CLPX: variants seen among roughly 807,000 people sequenced by gnomAD.
The protein encoded by CLPX is ATP-dependent clpX-like chaperone, mitochondrial.
Under a neutral mutation model 76.4 loss-of-function variants are expected in CLPX, and 34 were observed. The observed-to-expected ratio is 0.45, with a 90% CI of 0.34 to 0.59. CLPX has a LOEUF of 0.59. Ranked by LOEUF, CLPX falls within the 20% of genes least tolerant of loss-of-function variation. The pLI, the probability that CLPX is intolerant of heterozygous loss-of-function variation, is 0.01. For synonymous variants in CLPX, 248 were observed against 270.9 expected (o/e 0.92, Z 0.83); for missense variants, 613 against 757.0 (o/e 0.81, Z 2.23).
chr15:65,162,779 T>C, intron 5 of CLPX, 134 bp from the exon 6 acceptor site: 3 of 566,910 alleles, frequency 5.3e-6, no homozygotes, highest in Non-Finnish European at 9.3e-6. Flanking sequence ...TCATATATGC[T>C]ATATCTTTTC....
Position 65,156,947 on chromosome 15 carries a change from G to A in CLPX, c.1058-15C>T, listed in dbSNP as rs777751074. 6.4e-7 allele frequency: 1 copy of A among 1,551,672 alleles called. No individual in the cohort carries two copies. The highest frequency in any genetic ancestry group is 1.4e-5 in the African/African-American group (1 of 73,730). On this transcript the variant is annotated splice_polypyrimidine_tract_variant and intron_variant, in intron 8 of 13. Transcript: ENST00000300107. ...AAAGACAATTCCTATAATTTAAGGA[G>A]GATTCTATTTATAATACGAAAAAGA...
At chr15:65,169,624 G>A (rs1310176789) in intron 3 of CLPX, among the ~76,000 whole-genome samples, 2 of 152,230 alleles carry the variant, frequency 1.3e-5, no homozygotes, top group African/African-American at 2.4e-5. Flanking sequence ...GCTGAGGCAG[G>A]AGAACTGCTT....
At chr15:65,176,917 A>G (rs1366140380) in intron 3 of CLPX, among the ~76,000 whole-genome samples, 2 of 151,664 alleles carry the variant, frequency 1.3e-5, no homozygotes, top group Non-Finnish European at 2.9e-5. Flanking sequence ...TTAGGTCTAT[A>G]AAGGTTGAAA....
intron 3 of CLPX, among the ~76,000 whole-genome samples, chr15:65,171,656 C>T (rs2088009178): frequency 6.6e-6 from 1 of 152,122 alleles, no homozygotes; most frequent in Admixed American, 6.6e-5. Context: ...AATGATGAGG[C>T]ACTAGTTTAC....
chr15:65,158,927 C>T (rs746079021), intron 6 of CLPX, among the ~76,000 whole-genome samples, 176 bp from the exon 7 acceptor site: 9 of 152,150 alleles, frequency 5.9e-5, no homozygotes, highest in Non-Finnish European at 4.4e-5. Context: ...AAACATATAG[C>T]ACACAATGAT....
chr15:65,159,491 T>A (rs1341186845), intron 6 of CLPX, among the ~76,000 whole-genome samples: 1 of 152,098 alleles, frequency 6.6e-6, no homozygotes, highest in Non-Finnish European at 1.5e-5. Flanking sequence ...GCGCCTATAG[T>A]CCCAGCTACT....
rs1261483168 is a variant in CLPX, at chr15:65,148,966, G to A, written c.*1857C>T. 1 of 152,168 alleles carries A rather than the reference G, an allele frequency of 6.6e-6. No homozygotes were observed. Among genetic ancestry groups the A allele is most frequent in the Non-Finnish European group, 1.5e-5 (1 of 68,020 alleles). The allele number at this position is 152,168 out of a possible 1,614,324, so 9.4% of individuals were successfully genotyped here. A position where few individuals can be genotyped will look rare whatever the true frequency, so the allele number is the denominator to read the frequency against. On this transcript the variant is annotated 3_prime_UTR_variant, in exon 14 of 14. Coordinates refer to ENST00000300107, the MANE Select transcript of CLPX (RefSeq NM_006660.5). ...TATAATGAAGGTTAGTAACTTATAT[G>A]TTAGTGTGAACACATTTACTTTGGC...
Position 65,151,456 on chromosome 15 carries a change from GA to G in CLPX, c.1812-544del, listed in dbSNP as rs529752332. ...TTCCCTGACAAATTTATTACTGGGA[GA>G]AAAAAAAAAAAAAAAAAAAAAAAGG... On this transcript the variant is annotated intron_variant, in intron 13 of 13. Coordinates refer to ENST00000300107, the MANE Select transcript of CLPX (RefSeq NM_006660.5). 5.1e-3 allele frequency among the ~76,000 whole-genome samples: 379 copies of G among 74,576 alleles called. 1 individual carries two copies. Among genetic ancestry groups the G allele is most frequent in the African/African-American group, 0.017 (283 of 16,860 alleles). 48.9% of individuals were successfully genotyped at this position (74,576 alleles called of 152,430 possible). A position where few individuals can be genotyped will look rare whatever the true frequency, so the allele number is the denominator to read the frequency against.
intron 3 of CLPX, among the ~76,000 whole-genome samples, chr15:65,169,352 T>C (rs529509829): frequency 2.3e-4 from 35 of 152,252 alleles, no homozygotes; most frequent in African/African-American, 8.2e-4. Flanking sequence ...CCTCCCACCT[T>C]GGCCTCCGAA....
intron 9 of CLPX, 99 bp downstream of exon 9, chr15:65,156,745 A>G: frequency 1.4e-6 from 1 of 713,298 alleles, no homozygotes; most frequent in East Asian, 2.7e-5. Flanking sequence ...AAGAAATAAA[A>G]CAGAATCTAA....
In CLPX at chr15:65,185,198, G is replaced by A. The variant is rs987037456; in HGVS notation, c.-45C>T. 6.7e-7 allele frequency: 1 copy of A among 1,488,916 alleles called. No homozygotes were observed. The highest frequency in any genetic ancestry group is 9.1e-7 in the Non-Finnish European group (1 of 1,093,312). 92.2% of individuals were successfully genotyped at this position (1,488,916 alleles called of 1,614,324 possible). ...GGGCTTCGCCCCCTGAGGACCTCCG[G>A]GTCACAGCGGCGTGAATCCTGCCCG... On this transcript the variant is annotated 5_prime_UTR_variant, in exon 1 of 14. Transcript: ENST00000300107.
intron 3 of CLPX, among the ~76,000 whole-genome samples, chr15:65,170,531 G>C (rs1011515116): frequency 6.6e-6 from 1 of 152,028 alleles, no homozygotes; most frequent in South Asian, 2.1e-4. Flanking sequence ...TTGGGAGGCC[G>C]AGGCGGGTGG....
In CLPX at chr15:65,183,233, C is replaced by T. The variant is rs576695564; in HGVS notation, c.79+1842G>A. 8.2e-4 allele frequency among the ~76,000 whole-genome samples: 124 copies of T among 151,736 alleles called. 1 individual carries two copies. The highest frequency in any genetic ancestry group is 2.9e-3 in the African/African-American group (118 of 41,342). Reference sequence around the variant, plus strand: ...ATCCCAGCACTTTGGGAGGCCGAGGCGGACGGATCACAAGATCAGGAGATC... The same window carrying T: ...ATCCCAGCACTTTGGGAGGCCGAGGTGGACGGATCACAAGATCAGGAGATC... On this transcript the variant is annotated intron_variant, in intron 1 of 13. Transcript: ENST00000300107.
In CLPX at chr15:65,155,869, C is replaced by T. The variant is rs755804901; in HGVS notation, c.1147-13G>A. ...GTTTTAATAAGCCCTAAATAAAGAA[C>T]AAATGATTTATAGCATCACCATATA... On this transcript the variant is annotated splice_polypyrimidine_tract_variant and intron_variant, in intron 9 of 13. Transcript: ENST00000300107. 2 of 1,599,392 alleles carry T rather than the reference C, an allele frequency of 1.3e-6. No homozygotes were observed. The highest frequency in any genetic ancestry group is 2.7e-5 in the African/African-American group (2 of 74,418).
chr15:65,157,498 G>T (rs2087804366), intron 8 of CLPX, among the ~76,000 whole-genome samples: 1 of 152,172 alleles, frequency 6.6e-6, no homozygotes, highest in South Asian at 2.1e-4. Context: ...GAAAAGCAAT[G>T]ATAGTATTAA....
At chr15:65,184,986 C>T in intron 1 of CLPX, 89 bp downstream of exon 1, 1 of 1,100,094 alleles carries the variant, frequency 9.1e-7, no homozygotes, top group Non-Finnish European at 1.4e-6. Flanking sequence ...GTGCAGCAGG[C>T]CTCGTGCCCT....
At chr15:65,163,891 C>A in intron 5 of CLPX, 138 bp downstream of exon 5, 1 of 777,654 alleles carries the variant, frequency 1.3e-6, no homozygotes, top group South Asian at 1.6e-5. Context: ...TTTCATAACA[C>A]ACTAATGGGG....
chr15:65,164,490 A>G (rs182730311), intron 4 of CLPX, among the ~76,000 whole-genome samples: 9 of 152,320 alleles, frequency 5.9e-5, no homozygotes, highest in African/African-American at 2.2e-4. Context: ...AATTAAATTT[A>G]AAGTAACTTA....
intron 9 of CLPX, among the ~76,000 whole-genome samples, chr15:65,156,148 T>A (rs1025118492): frequency 1.3e-5 from 2 of 152,206 alleles, no homozygotes; most frequent in Middle Eastern, 3.2e-3. Context: ...AAACACAGAA[T>A]TATGACTGTA....
Sources: gnomAD v4.1 joint callset for allele counts (sites outside exome capture counted in the v4.1 genomes callset) on GRCh38, gnomAD v4.1.1 for gene constraint, MANE v1.5 for transcripts, NCBI Gene and HGNC (gene_info 2026-07-23, HGNC 2026-07-21) for gene names.